Variants in NHSL3 observed in about 807,000 individuals in gnomAD.
NHSL3 encodes the protein NHS-like protein 3.
At chr1:32,759,860 G>T in the NHSL3 span, among the ~76,000 whole-genome samples, 1 of 152,138 alleles carries the variant, frequency 6.6e-6, no homozygotes, top group South Asian at 2.1e-4. Flanking sequence ...TGAGCCTCCT[G>T]GTGCTCATTT....
the NHSL3 span, among the ~76,000 whole-genome samples, chr1:32,745,435 G>C: frequency 1.3e-5 from 2 of 151,750 alleles, no homozygotes; most frequent in Non-Finnish European, 2.9e-5. Flanking sequence ...GCGCGTGCCT[G>C]TAATCCCAGC....
the NHSL3 span, chr1:32,741,901 T>G: frequency 4.4e-6 from 1 of 225,502 alleles, no homozygotes; most frequent in Non-Finnish European, 7.3e-6. The surrounding 1 kb of genome is among the most constrained non-coding windows in gnomAD (Gnocchi z 4.3). Context: ...GCCCCCGGCA[T>G]GGGCACCGCG....
At chr1:32,772,085 C>T in the NHSL3 span, 12 of 1,612,926 alleles carry the variant, frequency 7.4e-6, no homozygotes, top group Admixed American at 5.0e-5. Flanking sequence ...CCTGCCTCAA[C>T]GGCCAGTTTC....
chr1:32,760,521 G>A, the NHSL3 span, among the ~76,000 whole-genome samples: 5 of 151,994 alleles, frequency 3.3e-5, no homozygotes, highest in African/African-American at 1.2e-4. Context: ...GGGTCTGTGC[G>A]GTCGCTCATG....
chr1:32,745,427 G>C, the NHSL3 span, among the ~76,000 whole-genome samples: 1 of 151,748 alleles, frequency 6.6e-6, no homozygotes, highest in Non-Finnish European at 1.5e-5. Context: ...GCGTGGTGGC[G>C]CGTGCCTGTA....
chr1:32,766,940 G>A, the NHSL3 span, among the ~76,000 whole-genome samples: 1 of 152,146 alleles, frequency 6.6e-6, no homozygotes, highest in African/African-American at 2.4e-5. Flanking sequence ...GGGGATACCT[G>A]GGACTATTTC....
the NHSL3 span, chr1:32,774,687 TGG>T: frequency 6.6e-6 from 1 of 152,560 alleles, no homozygotes. Context: ...GTTTCCCTGC[TGG>T]GTGGGACAGA....
At chr1:32,742,201 G>T in the NHSL3 span, 1 of 1,245,208 alleles carries the variant, frequency 8.0e-7, no homozygotes, top group South Asian at 3.4e-5. Flanking sequence ...TAAGGCGGTC[G>T]GCACCTGGGC....
chr1:32,752,295 A>G, the NHSL3 span, among the ~76,000 whole-genome samples: 4 of 152,018 alleles, frequency 2.6e-5, no homozygotes, highest in African/African-American at 9.7e-5. Flanking sequence ...GCAGGGAGGG[A>G]AGAGGGTTTG....
the NHSL3 span, chr1:32,770,389 C>T: frequency 1.2e-6 from 2 of 1,607,914 alleles, no homozygotes; most frequent in Admixed American, 1.7e-5. This position sits in a 1 kb window ranked among gnomAD's most constrained non-coding sequence, Gnocchi z 8.3. Flanking sequence ...CAGCCCACAG[C>T]CCCGCAGCCG....
the NHSL3 span, among the ~76,000 whole-genome samples, chr1:32,751,567 T>G: frequency 5.3e-5 from 8 of 152,098 alleles, no homozygotes; most frequent in African/African-American, 1.9e-4. Flanking sequence ...AGGGGAGCCC[T>G]GGGGTGTGAT....
At chr1:32,741,937 GCT>G in the NHSL3 span, 1 of 757,856 alleles carries the variant, frequency 1.3e-6, no homozygotes, top group Non-Finnish European at 1.6e-6. The surrounding 1 kb of genome is among the most constrained non-coding windows in gnomAD (Gnocchi z 4.3). Flanking sequence ...CCCGCCGCCC[GCT>G]CCGCCCCCGC....
chr1:32,752,901 GCACACA>G, the NHSL3 span, among the ~76,000 whole-genome samples: 608 of 71,610 alleles, frequency 8.5e-3, 18 homozygotes, highest in African/African-American at 0.034. Flanking sequence ...AAAAAAACAT[GCACACA>G]CACACACACA....
chr1:32,773,089 C>A, the NHSL3 span: 1 of 604,446 alleles, frequency 1.7e-6, no homozygotes, highest in South Asian at 1.9e-5. Flanking sequence ...TGCCTTTTCC[C>A]GAATGGGTTC....
the NHSL3 span, among the ~76,000 whole-genome samples, chr1:32,754,549 A>G: frequency 3.3e-5 from 5 of 152,114 alleles, no homozygotes; most frequent in Admixed American, 6.5e-5. Flanking sequence ...CACACGAACT[A>G]CACCCACGCG....
At chr1:32,764,965 G>T in the NHSL3 span, among the ~76,000 whole-genome samples, 1 of 152,158 alleles carries the variant, frequency 6.6e-6, no homozygotes, top group African/African-American at 2.4e-5. Flanking sequence ...CACTGACAGC[G>T]TGGGGCCAAT....
chr1:32,769,971 A>G, the NHSL3 span: 1 of 1,607,544 alleles, frequency 6.2e-7, no homozygotes, highest in Non-Finnish European at 8.5e-7. Context: ...GCCGCCCCCG[A>G]GGCACCTCAG....
the NHSL3 span, chr1:32,767,739 G>A: frequency 6.5e-7 from 1 of 1,532,554 alleles, no homozygotes; most frequent in African/African-American, 1.4e-5. Context: ...TGCCCCTGCA[G>A]GGCCCAGATG....
At chr1:32,743,865 C>A in the NHSL3 span, among the ~76,000 whole-genome samples, 3 of 152,186 alleles carry the variant, frequency 2.0e-5, no homozygotes, top group Admixed American at 6.5e-5. Flanking sequence ...GCATGGGTAA[C>A]ACCTCCTTGC....
Sources: allele counts gnomAD v4.1 joint callset (sites outside exome capture counted in the v4.1 genomes callset), GRCh38; gene constraint gnomAD v4.1.1; non-coding constraint Gnocchi (gnomAD v3.1); transcripts MANE v1.5; gene names NCBI Gene and HGNC (gene_info 2026-07-23, HGNC 2026-07-21).